Variants in TRNAU1AP observed in about 807,000 individuals in gnomAD.
The protein encoded by TRNAU1AP is tRNA selenocysteine 1-associated protein 1.
A neutral mutation model predicts 43.3 loss-of-function variants in TRNAU1AP; 33 were observed. The ratio of observed to expected loss-of-function variants is 0.76; its 90% CI spans 0.58 to 1.02. The LOEUF (loss-of-function observed/expected upper bound fraction) is 1.02. Ranked by LOEUF, TRNAU1AP falls within the 50% of genes least tolerant of loss-of-function variation. TRNAU1AP has a pLI of 0.00. For missense variants in TRNAU1AP, 290 were observed against 362.7 expected, an observed-to-expected ratio of 0.80 and a Z score of 1.63; for synonymous variants, 143 against 129.1, an observed-to-expected ratio of 1.11 and a Z score of -0.73.
intron 5 of TRNAU1AP, among the ~76,000 whole-genome samples, chr1:28,566,479 G>A (rs760161661): frequency 2.6e-5 from 4 of 152,010 alleles, no homozygotes; most frequent in African/African-American, 4.8e-5. Flanking sequence ...CAGGCCAGGC[G>A]TGGTGGCTCA....
At chr1:28,577,075 T>TACAC (rs891338413) in intron 8 of TRNAU1AP, among the ~76,000 whole-genome samples, 4 of 152,126 alleles carry the variant, frequency 2.6e-5, no homozygotes, top group Admixed American at 2.0e-4. Flanking sequence ...CTAAAGTACA[T>TACAC]ACACACACAC....
chr1:28,560,992 A>C (rs1665393039), intron 3 of TRNAU1AP: 1 of 1,239,898 alleles, frequency 8.1e-7, no homozygotes, highest in African/African-American at 1.5e-5. Context: ...TCCATTCTGC[A>C]TTGCTGCCTC....
At chr1:28,570,329 C>A (rs558370128) in intron 6 of TRNAU1AP, among the ~76,000 whole-genome samples, 117 of 152,018 alleles carry the variant, frequency 7.7e-4, no homozygotes, top group African/African-American at 2.7e-3. Flanking sequence ...CCCATTGCAA[C>A]CTCTGTCTCC....
In TRNAU1AP at chr1:28,553,745, T is replaced by C. The variant is rs1665187502; in HGVS notation, c.125+8T>C. The C allele has an allele frequency of 6.2e-7, 1 of 1,610,682 alleles. No individual in the cohort carries two copies. The highest frequency in any genetic ancestry group is 1.1e-5 in the South Asian group (1 of 91,012). On this transcript the variant is annotated splice_region_variant and intron_variant, in intron 2 of 8. Coordinates refer to ENST00000373830, the MANE Select transcript of TRNAU1AP (RefSeq NM_017846.5). The stretch of plus-strand genomic sequence containing the variant: ...CCGAAACCGCCTCACTGGGTAAGTC[T>C]CATCTCAGGTCTCTCTTAATACATC...
chr1:28,558,393 T>A (rs1404280533), intron 2 of TRNAU1AP, among the ~76,000 whole-genome samples: 2 of 148,878 alleles, frequency 1.3e-5, no homozygotes, highest in Non-Finnish European at 3.0e-5. Flanking sequence ...TTTCGTATAT[T>A]TTTTTTTTGT....
rs1406510525 is a variant in TRNAU1AP at position 28,578,403 on chromosome 1, G to A, written c.*767G>A. On this transcript the variant is annotated 3_prime_UTR_variant, in exon 9 of 9. Coordinates refer to ENST00000373830, the MANE Select transcript of TRNAU1AP (RefSeq NM_017846.5). ...GTTGGGACTTACTGCTTGAGGCAAA[G>A]CATTCATCCTACATCATAAAAAATC... is the stretch of plus-strand genomic sequence containing the variant. 1 of 215,196 alleles carries A rather than the reference G, an allele frequency of 4.6e-6. No individual in the cohort carries two copies. Among genetic ancestry groups the A allele is most frequent in the African/African-American group, 2.3e-5 (1 of 42,892 alleles). 13.3% of individuals were successfully genotyped at this position (215,196 alleles called of 1,614,324 possible).
At chr1:28,575,352 A>T (rs1665751410) in intron 8 of TRNAU1AP, among the ~76,000 whole-genome samples, 1 of 150,826 alleles carries the variant, frequency 6.6e-6, no homozygotes, top group African/African-American at 2.4e-5. Context: ...ATGGGGTTTC[A>T]CCATGTTGGC....
At chr1:28,568,119 G>A (rs537235024) in intron 6 of TRNAU1AP, among the ~76,000 whole-genome samples, 15 of 152,150 alleles carry the variant, frequency 9.9e-5, no homozygotes, top group Non-Finnish European at 1.9e-4. Context: ...AGCCGAGATG[G>A]CATCAGTGCA....
chr1:28,562,556 G>T (rs529312844), intron 4 of TRNAU1AP, among the ~76,000 whole-genome samples: 1 of 151,350 alleles, frequency 6.6e-6, no homozygotes, highest in East Asian at 1.9e-4. Flanking sequence ...TTGAGTTATA[G>T]CAATTTTATT....
At chr1:28,575,977 C>A (rs1236209303) in intron 8 of TRNAU1AP, among the ~76,000 whole-genome samples, 1 of 151,108 alleles carries the variant, frequency 6.6e-6, no homozygotes, top group African/African-American at 2.4e-5. Flanking sequence ...TCTCCTGCCT[C>A]AGCCTCCCGA....
At chr1:28,564,568 AG>A in intron 4 of TRNAU1AP, 134 bp from the exon 5 acceptor site, 5 of 1,042,860 alleles carry the variant, frequency 4.8e-6, no homozygotes, top group South Asian at 1.7e-5. Flanking sequence ...GAAACAAAGT[AG>A]GGGCTGGTTA....
intron 2 of TRNAU1AP, among the ~76,000 whole-genome samples, chr1:28,560,146 C>T (rs1665373633): frequency 6.6e-6 from 1 of 152,042 alleles, no homozygotes. Flanking sequence ...CTTGGACTGG[C>T]CCAGATGGAC....
chr1:28,562,064 C>T (rs1031731635), intron 4 of TRNAU1AP, among the ~76,000 whole-genome samples: 1 of 152,180 alleles, frequency 6.6e-6, no homozygotes, highest in Non-Finnish European at 1.5e-5. Context: ...GCCTGGGCAA[C>T]AGAGTGAGAC....
intron 8 of TRNAU1AP, among the ~76,000 whole-genome samples, chr1:28,572,770 T>A (rs2124215245): frequency 6.6e-6 from 1 of 150,614 alleles, no homozygotes; most frequent in East Asian, 2.1e-4. Flanking sequence ...CCGTCTCTAC[T>A]AAAAAATAGA....
chr1:28,568,260 C>T (rs911920609), intron 6 of TRNAU1AP, among the ~76,000 whole-genome samples: 1 of 152,194 alleles, frequency 6.6e-6, no homozygotes, highest in Non-Finnish European at 1.5e-5. Flanking sequence ...TCCCTTACAA[C>T]TCCAAACTTT....
rs554206608 is a variant in TRNAU1AP at position 28,577,837 on chromosome 1, T to C, written c.*201T>C. 2.1e-4 allele frequency: 123 copies of C among 576,060 alleles called. No individual in the cohort carries two copies. The highest frequency in any genetic ancestry group is 3.4e-4 in the Non-Finnish European group (116 of 337,122). 35.7% of individuals were successfully genotyped at this position (576,060 alleles called of 1,614,324 possible). A position where few individuals can be genotyped will look rare whatever the true frequency, so the allele number is the denominator to read the frequency against. ...CCAAGGGAACAACTTTTAAACAAGG[T>C]TCAAATTGGTTTCCTTCACAGGAAT... On this transcript the variant is annotated 3_prime_UTR_variant, in exon 9 of 9. Transcript: ENST00000373830.
chr1:28,570,013 A>G (rs1262711850), intron 6 of TRNAU1AP, among the ~76,000 whole-genome samples: 2 of 150,614 alleles, frequency 1.3e-5, no homozygotes, highest in Non-Finnish European at 3.0e-5. Flanking sequence ...CAACAACAAA[A>G]AAAACGAAAA....
intron 1 of TRNAU1AP, 109 bp downstream of exon 1, chr1:28,553,246 T>C (rs1665175061): frequency 8.2e-7 from 1 of 1,214,478 alleles, no homozygotes; most frequent in Non-Finnish European, 1.1e-6. Flanking sequence ...AGGGGAGACG[T>C]GTGACGGGGG....
chr1:28,571,998 G>T, intron 8 of TRNAU1AP, 98 bp downstream of exon 8: 3 of 1,082,836 alleles, frequency 2.8e-6, no homozygotes, highest in Admixed American at 1.7e-5. Flanking sequence ...GATAAATTCT[G>T]CTCTGGAAGA....
Sources: gnomAD v4.1 joint callset for allele counts (sites outside exome capture counted in the v4.1 genomes callset) on GRCh38, gnomAD v4.1.1 for gene constraint, MANE v1.5 for transcripts, NCBI Gene and HGNC (gene_info 2026-07-23, HGNC 2026-07-21) for gene names.